NIPAL3: variants seen among roughly 807,000 people sequenced by gnomAD.
NIPAL3 encodes the protein NIPA-like protein 3.
Under a neutral mutation model 47.2 loss-of-function variants are expected in NIPAL3, and 41 were observed. The observed-to-expected ratio is 0.87, with a 90% CI of 0.68 to 1.13. The LOEUF is 1.13. Ranked by LOEUF, NIPAL3 falls within the 50% of genes most tolerant of loss-of-function variation. NIPAL3 has a pLI of 0.00. For missense variants in NIPAL3, 449 were observed against 530.1 expected (o/e 0.85, Z 1.50); for synonymous variants, 194 against 209.6 (o/e 0.93, Z 0.64).
chr1:24,437,821 G>A (rs539139007), intron 2 of NIPAL3, among the ~76,000 whole-genome samples: 78 of 152,278 alleles, frequency 5.1e-4, no homozygotes, highest in African/African-American at 1.5e-3. Flanking sequence ...CAATAAGACC[G>A]TGTCCAATGG....
intron 11 of NIPAL3, chr1:24,466,292 T>G: frequency 4.7e-6 from 2 of 425,532 alleles, no homozygotes; most frequent in African/African-American, 2.0e-5. Flanking sequence ...AAGAAAAGGG[T>G]TTTTTTCCTA....
At position 24,456,202 on chromosome 1, in the gene NIPAL3, C is replaced by A. The variant is rs761484348; in HGVS notation, c.702C>A (p.Asn234Lys). 7 of 1,614,228 alleles carry A rather than the reference C, an allele frequency of 4.3e-6. No homozygotes were observed. Among genetic ancestry groups the A allele is most frequent in the South Asian group, 2.2e-5 (2 of 91,090 alleles). Residue 234 changes from asparagine (N) to lysine (K), a missense_variant, in exon 8 of 12, where the codon AAC (asparagine) becomes AAA (lysine). Physicochemically the swap from Asn to Lys is moderately conservative, Grantham distance 94. Coordinates refer to ENST00000374399, the MANE Select transcript of NIPAL3 (RefSeq NM_020448.5). ...TGCTTGTCTTGTCCATTCAAGGGAA[C>A]CTGCAGCTTGACTACCCCATCTTCT... ...AGMLVLSIQG[N>K]LQLDYPIFYV...
intron 7 of NIPAL3, among the ~76,000 whole-genome samples, chr1:24,455,033 C>T (rs1333521973): frequency 1.3e-5 from 2 of 152,224 alleles, no homozygotes; most frequent in African/African-American, 4.8e-5. Context: ...TACCTGATGA[C>T]AAGTGCCTAA....
intron 2 of NIPAL3, among the ~76,000 whole-genome samples, chr1:24,424,989 G>A (rs1644508995): frequency 6.6e-6 from 1 of 152,170 alleles, no homozygotes; most frequent in Admixed American, 6.5e-5. Context: ...TTTCAGCCCT[G>A]CCCTCTGCCC....
chr1:24,435,259 T>C (rs1645047657), intron 2 of NIPAL3, among the ~76,000 whole-genome samples: 2 of 152,108 alleles, frequency 1.3e-5, no homozygotes, highest in Admixed American at 1.3e-4. Context: ...AAAAATTAAC[T>C]CAAAATGGAT....
chr1:24,450,548 G>A (rs891169628), intron 6 of NIPAL3, among the ~76,000 whole-genome samples: 2 of 152,202 alleles, frequency 1.3e-5, no homozygotes, highest in South Asian at 2.1e-4. Flanking sequence ...AAAGCTACTG[G>A]TACGTTCTTG....
At chr1:24,419,719 T>TA in intron 2 of NIPAL3, 79 bp downstream of exon 2, 2 of 1,227,730 alleles carry the variant, frequency 1.6e-6, no homozygotes, top group Non-Finnish European at 1.2e-6. Flanking sequence ...GGCTAACAGA[T>TA]ATGTATGGGG....
At chr1:24,442,598 A>C (rs1645448898) in intron 4 of NIPAL3, among the ~76,000 whole-genome samples, 1 of 152,180 alleles carries the variant, frequency 6.6e-6, no homozygotes, top group Admixed American at 6.5e-5. Context: ...ATTGCTTTTT[A>C]TTTCTAAAAG....
chr1:24,469,263 A>G lies in NIPAL3; in HGVS notation c.*78A>G, dbSNP rs1646827588. 7.9e-7 allele frequency: 1 copy of G among 1,261,034 alleles called. No homozygotes were observed. Among genetic ancestry groups the G allele is most frequent in the African/African-American group, 1.5e-5 (1 of 65,924 alleles). The allele number at this position is 1,261,034 out of a possible 1,614,324, so 78.1% of individuals were successfully genotyped here. A position where few individuals can be genotyped will look rare whatever the true frequency, so the allele number is the denominator to read the frequency against. ...CCCTGAATCCTAAAACTTGCCTTTC[A>G]AGTCTCATTTTGTTTCTAACTGAGA... On this transcript the variant is annotated 3_prime_UTR_variant, in exon 12 of 12. Transcript: ENST00000374399.
chr1:24,466,028 T>C, intron 11 of NIPAL3: 1 of 1,611,926 alleles, frequency 6.2e-7, no homozygotes, highest in Non-Finnish European at 8.5e-7. Flanking sequence ...AACAGACAAC[T>C]GCTGTTCAAG....
intron 2 of NIPAL3, among the ~76,000 whole-genome samples, chr1:24,431,615 C>T (rs1049993413): frequency 6.6e-6 from 1 of 152,164 alleles, no homozygotes; most frequent in Non-Finnish European, 1.5e-5. Context: ...GCCTCCCTGT[C>T]ATCTCCAAGG....
chr1:24,429,839 G>A (rs1644798324), intron 2 of NIPAL3, among the ~76,000 whole-genome samples: 1 of 152,136 alleles, frequency 6.6e-6, no homozygotes, highest in Non-Finnish European at 1.5e-5. Flanking sequence ...CAGCCTGATG[G>A]CCTCCCAGTG....
chr1:24,451,875 A>G lies in NIPAL3; in HGVS notation c.541-1533A>G, dbSNP rs1291537166. ...ACTTCACAAAACATGAAGATTGTTT[A>G]TGGTAACTAAAAACAGCCCAGTACA... On this transcript the variant is annotated intron_variant, in intron 6 of 11. Transcript: ENST00000374399. This position sits in a 1 kb window ranked among gnomAD's most constrained non-coding sequence, Gnocchi z 4.5. Among the ~76,000 whole-genome samples, 10 of 152,220 alleles carry G rather than the reference A, an allele frequency of 6.6e-5. No homozygotes were observed. The highest frequency in any genetic ancestry group is 5.2e-4 in the Admixed American group (8 of 15,288).
intron 1 of NIPAL3, among the ~76,000 whole-genome samples, chr1:24,418,672 T>A (rs189192280): frequency 1.3e-5 from 2 of 152,300 alleles, no homozygotes; most frequent in East Asian, 3.9e-4. Context: ...GGGATTCTCA[T>A]CATTGCTGGG....
chr1:24,456,050 A>G (rs1365951526), intron 7 of NIPAL3, 88 bp from the exon 8 acceptor site: 5 of 1,506,632 alleles, frequency 3.3e-6, no homozygotes, highest in Non-Finnish European at 4.6e-6. Flanking sequence ...TGTCTCCCCA[A>G]GTCCTTTGGG....
At chr1:24,437,874 C>T (rs560591831) in intron 2 of NIPAL3, among the ~76,000 whole-genome samples, 26 of 151,906 alleles carry the variant, frequency 1.7e-4, no homozygotes, top group Non-Finnish European at 3.4e-4. Flanking sequence ...ATCAGGGTGT[C>T]GTTTATCAGA....
intron 5 of NIPAL3, among the ~76,000 whole-genome samples, chr1:24,446,068 TC>T (rs869143084): frequency 2.5e-5 from 1 of 40,740 alleles, no homozygotes; most frequent in Non-Finnish European, 5.4e-5. Flanking sequence ...GAGATTATAG[TC>T]GTGTGTGTGT....
Position 24,453,434 on chromosome 1 carries a change from G to T in NIPAL3, c.567G>T (p.Leu189Phe), listed in dbSNP as rs146599674. Residue 189 changes from leucine (L) to phenylalanine (F), a missense_variant, in exon 7 of 12, where the codon TTG becomes TTT. Physicochemically the swap from Leu to Phe is conservative, Grantham distance 22. Coordinates refer to ENST00000374399, the MANE Select transcript of NIPAL3 (RefSeq NM_020448.5). ...TGGTGGAGATCATTCTGTTCTGCTT[G>T]CTGCTCTACTTCTACAAGGAGAAGA... ...YMLVEIILFC[L>F]LLYFYKEKNA... 6.2e-7 allele frequency: 1 copy of T among 1,613,374 alleles called. No individual in the cohort carries two copies. Among genetic ancestry groups the T allele is most frequent in the African/African-American group, 1.3e-5 (1 of 74,746 alleles).
At chr1:24,442,011 T>C (rs757089832) in intron 3 of NIPAL3, 44 bp from the exon 4 acceptor site, 16 of 1,594,466 alleles carry the variant, frequency 1.0e-5, no homozygotes, top group South Asian at 7.8e-5. Flanking sequence ...AGCATTTTTT[T>C]CCCCAAACAT....
Sources: allele counts gnomAD v4.1 joint callset (sites outside exome capture counted in the v4.1 genomes callset), GRCh38; gene constraint gnomAD v4.1.1; non-coding constraint Gnocchi (gnomAD v3.1); transcripts MANE v1.5; gene names NCBI Gene and HGNC (gene_info 2026-07-23, HGNC 2026-07-21).